Variants in HNF4G observed in about 807,000 individuals in gnomAD.
HNF4G encodes the protein hepatocyte nuclear factor 4 gamma.
A neutral mutation model predicts 50.9 loss-of-function variants in HNF4G; 21 were observed. The ratio of observed to expected loss-of-function variants is 0.41; its 90% CI spans 0.29 to 0.59. HNF4G has a LOEUF of 0.59. Ranked by LOEUF, HNF4G falls within the 20% of genes least tolerant of loss-of-function variation. HNF4G has a pLI of 0.26. For missense variants in HNF4G, 527 were observed against 559.4 expected, an observed-to-expected ratio of 0.94 and a Z score of 0.58; for synonymous variants, 198 against 185.6, an observed-to-expected ratio of 1.07 and a Z score of -0.54.
At chr8:75,551,577 T>C in intron 4 of HNF4G, 83 bp downstream of exon 4, 1 of 795,514 alleles carries the variant, frequency 1.3e-6, no homozygotes, top group Non-Finnish European at 2.1e-6. Context: ...ATCTAAGTTT[T>C]TTCAAAGGTG....
chr8:75,477,809 A>C (rs1176709520), intron 1 of HNF4G, among the ~76,000 whole-genome samples: 2 of 152,026 alleles, frequency 1.3e-5, no homozygotes, highest in Non-Finnish European at 2.9e-5. Flanking sequence ...CTCTACTAAA[A>C]ATACAAAATT....
intron 2 of HNF4G, among the ~76,000 whole-genome samples, chr8:75,505,446 C>T (rs12676967): frequency 0.24 from 37,028 of 151,974 alleles, 4,777 homozygotes; most frequent in South Asian, 0.31. Context: ...CTACATCATT[C>T]TTTAACCCTT....
Position 75,564,181 on chromosome 8 carries a change from T to A in HNF4G, c.*85T>A. The A allele has an allele frequency of 7.0e-7, 1 of 1,420,464 alleles. No homozygotes were observed. Among genetic ancestry groups the A allele is most frequent in the Non-Finnish European group, 9.7e-7 (1 of 1,029,252 alleles). 88.0% of individuals were successfully genotyped at this position (1,420,464 alleles called of 1,614,324 possible). On this transcript the variant is annotated 3_prime_UTR_variant, in exon 10 of 10. Coordinates refer to ENST00000396423, the MANE Select transcript of HNF4G (RefSeq NM_004133.5). ...TCTCAGGATAGCACTTTTGGCAAAC[T>A]CTTAGCCAAGGCTTCTTCATTGGTG...
chr8:75,447,100 C>A, intron 1 of HNF4G, among the ~76,000 whole-genome samples: 1 of 120,018 alleles, frequency 8.3e-6, no homozygotes, highest in African/African-American at 3.6e-5. Flanking sequence ...ATCAATGGAA[C>A]AGAACAGAGC....
intron 1 of HNF4G, among the ~76,000 whole-genome samples, chr8:75,487,267 T>C (rs895316849): frequency 6.6e-6 from 1 of 152,062 alleles, no homozygotes; most frequent in African/African-American, 2.4e-5. Flanking sequence ...TTATTTTATT[T>C]ATTTATTTGT....
At chr8:75,550,399 G>T (rs542334432) in intron 3 of HNF4G, among the ~76,000 whole-genome samples, 90 of 151,604 alleles carry the variant, frequency 5.9e-4, no homozygotes, top group African/African-American at 2.1e-3. Flanking sequence ...TCTGACCTTC[G>T]CCTCTTGGGT....
At chr8:75,505,005 TTC>T (rs1247461774) in intron 2 of HNF4G, among the ~76,000 whole-genome samples, 2 of 152,170 alleles carry the variant, frequency 1.3e-5, no homozygotes, top group African/African-American at 4.8e-5. Context: ...TTATAGAAAC[TTC>T]TACCAGAATC....
intron 1 of HNF4G, among the ~76,000 whole-genome samples, chr8:75,455,186 C>T (rs532264051): frequency 2.6e-4 from 39 of 152,014 alleles, no homozygotes; most frequent in African/African-American, 7.7e-4. Flanking sequence ...TTTTGGAGAC[C>T]GACTTCCTAA....
intron 1 of HNF4G, among the ~76,000 whole-genome samples, chr8:75,410,788 A>G (rs1437581339): frequency 6.6e-6 from 1 of 152,214 alleles, no homozygotes; most frequent in Non-Finnish European, 1.5e-5. Context: ...AAACAAACAC[A>G]GTCTTGCAAT....
chr8:75,451,508 T>C (rs1276943188), intron 1 of HNF4G, among the ~76,000 whole-genome samples: 1 of 152,236 alleles, frequency 6.6e-6, no homozygotes, highest in Non-Finnish European at 1.5e-5. Context: ...CATGTTGAGT[T>C]GATTTTTGTA....
At chr8:75,522,193 T>G (rs1320383630) in intron 2 of HNF4G, among the ~76,000 whole-genome samples, 1 of 152,236 alleles carries the variant, frequency 6.6e-6, no homozygotes, top group African/African-American at 2.4e-5. Context: ...TATGCTAGTA[T>G]ATTAGTTCCT....
chr8:75,513,470 T>G (rs1422838714), intron 2 of HNF4G, among the ~76,000 whole-genome samples: 1 of 152,230 alleles, frequency 6.6e-6, no homozygotes, highest in Non-Finnish European at 1.5e-5. Flanking sequence ...TGCCATAAAA[T>G]TGTTCAGAAT....
intron 2 of HNF4G, among the ~76,000 whole-genome samples, chr8:75,504,437 CA>C (rs1813018985): frequency 6.6e-6 from 1 of 152,046 alleles, no homozygotes; most frequent in African/African-American, 2.4e-5. Context: ...ATTACTAGGT[CA>C]AAAGTTACAA....
chr8:75,554,854 A>G (rs1172178260), intron 5 of HNF4G, among the ~76,000 whole-genome samples: 1 of 152,200 alleles, frequency 6.6e-6, no homozygotes, highest in Non-Finnish European at 1.5e-5. Flanking sequence ...AGATACTTTA[A>G]ACTGAGGACC....
chr8:75,553,798 A>G (rs1350583385), intron 5 of HNF4G, among the ~76,000 whole-genome samples: 1 of 152,208 alleles, frequency 6.6e-6, no homozygotes, highest in African/African-American at 2.4e-5. Context: ...AATAAAATTT[A>G]CACAACAAAA....
chr8:75,449,742 C>T (rs1232037948), intron 1 of HNF4G, among the ~76,000 whole-genome samples: 3 of 151,840 alleles, frequency 2.0e-5, no homozygotes, highest in Non-Finnish European at 4.4e-5. Flanking sequence ...CTCCTGACCT[C>T]GTGATCCGCC....
At chr8:75,522,624 G>T (rs898625563) in intron 2 of HNF4G, among the ~76,000 whole-genome samples, 9 of 152,042 alleles carry the variant, frequency 5.9e-5, no homozygotes, top group Admixed American at 3.9e-4. Flanking sequence ...AGCATTCTTG[G>T]CCTGTAGTCA....
chr8:75,485,623 G>A (rs1812481003), intron 1 of HNF4G, among the ~76,000 whole-genome samples: 1 of 152,098 alleles, frequency 6.6e-6, no homozygotes, highest in South Asian at 2.1e-4. Context: ...ATACCATCCA[G>A]TTTTAAAGAT....
rs746478727 is a variant in HNF4G at position 75,560,369 on chromosome 8, C to T, written c.1149C>T (p.Leu383=). The T allele has an allele frequency of 5.6e-6, 9 of 1,613,398 alleles. No homozygotes were observed. Among genetic ancestry groups the T allele is most frequent in the African/African-American group, 1.3e-5 (1 of 75,014 alleles). Residue 383 remains leucine (L), a synonymous_variant, in exon 9 of 10, where the codon CTC becomes CTT. Transcript: ENST00000396423. ...LGGASNDGSH[L]HHPMHPHLSQ... ...GGGCTTCCAATGATGGCAGTCATCTCCATCATCCAATGCATCCACATTTGT... is the reference window on the plus strand; with the variant it reads ...GGGCTTCCAATGATGGCAGTCATCTTCATCATCCAATGCATCCACATTTGT...
Sources: gnomAD v4.1 joint callset for allele counts (sites outside exome capture counted in the v4.1 genomes callset) on GRCh38, gnomAD v4.1.1 for gene constraint, MANE v1.5 for transcripts, NCBI Gene and HGNC (gene_info 2026-07-23, HGNC 2026-07-21) for gene names.